LRRC74A: variants seen among roughly 807,000 people sequenced by gnomAD.
LRRC74A encodes leucine-rich repeat-containing protein 74A.
A neutral mutation model predicts 57.9 loss-of-function variants in LRRC74A; 44 were observed. That is an observed-to-expected ratio of 0.76 (90% CI 0.60 to 0.98). The LOEUF (loss-of-function observed/expected upper bound fraction) is 0.98, where lower values mean the gene tolerates loss of function less well. Ranked by LOEUF, LRRC74A falls within the 50% of genes least tolerant of loss-of-function variation. The pLI, the probability that LRRC74A is intolerant of heterozygous loss-of-function variation, is 0.00. For synonymous variants in LRRC74A, 211 were observed against 219.4 expected, an observed-to-expected ratio of 0.96 and a Z score of 0.34; for missense variants, 572 against 574.0, an observed-to-expected ratio of 1.00 and a Z score of 0.04.
At chr14:76,835,830 C>T (rs1323113918) in intron 3 of LRRC74A, among the ~76,000 whole-genome samples, 2 of 152,200 alleles carry the variant, frequency 1.3e-5, no homozygotes, top group Non-Finnish European at 2.9e-5. Context: ...TAAAGGACCT[C>T]CTTGCAAGAA....
intron 7 of LRRC74A, among the ~76,000 whole-genome samples, chr14:76,847,928 C>A (rs1897212953): frequency 6.6e-6 from 1 of 152,076 alleles, no homozygotes; most frequent in African/African-American, 2.4e-5. Flanking sequence ...AATCCCAGCA[C>A]TTTGGGAGGC....
At chr14:76,838,124 C>CA (rs888183822) in intron 5 of LRRC74A, among the ~76,000 whole-genome samples, 153 bp downstream of exon 5, 16 of 152,124 alleles carry the variant, frequency 1.1e-4, no homozygotes, top group Admixed American at 5.2e-4. Context: ...CCCTCCCAGT[C>CA]ACACTCCCCT....
chr14:76,851,865 C>T (rs1897521263), intron 7 of LRRC74A, among the ~76,000 whole-genome samples: 1 of 151,378 alleles, frequency 6.6e-6, no homozygotes, highest in African/African-American at 2.4e-5. Flanking sequence ...GCAGTTTCAC[C>T]ATGTTGGCCA....
intron 7 of LRRC74A, among the ~76,000 whole-genome samples, chr14:76,851,033 ATGTGT>A (rs1897447386): frequency 6.6e-6 from 1 of 152,172 alleles, no homozygotes. Flanking sequence ...AACAATAATA[ATGTGT>A]TTAAATAGGA....
Position 76,826,531 on chromosome 14 carries a change from CA to C in LRRC74A, c.-166del. 1 of 1,609,558 alleles carries C rather than the reference CA, an allele frequency of 6.2e-7. No individual in the cohort carries two copies. Among genetic ancestry groups the C allele is most frequent in the Non-Finnish European group, 8.5e-7 (1 of 1,178,224 alleles). On this transcript the variant is annotated 5_prime_UTR_variant, in exon 1 of 14. It removes the in-frame stop codon of an upstream open reading frame in the 5' UTR. Transcript: ENST00000689127. Reference sequence around the variant, plus strand: ...AATTCCCATCAAAGCCTACTCTTCCCAGGGCTTGCTGGGAGGGAAGGATAAC... The same window carrying C: ...AATTCCCATCAAAGCCTACTCTTCCCGGGCTTGCTGGGAGGGAAGGATAAC...
At chr14:76,866,739 C>T (rs1898831101) in intron 12 of LRRC74A, among the ~76,000 whole-genome samples, 1 of 151,846 alleles carries the variant, frequency 6.6e-6, no homozygotes, top group African/African-American at 2.4e-5. Flanking sequence ...TCACTCGCTC[C>T]ACCTGACTCT....
chr14:76,864,416 G>C (rs868330657), intron 11 of LRRC74A, among the ~76,000 whole-genome samples: 8 of 128,366 alleles, frequency 6.2e-5, no homozygotes, highest in South Asian at 3.2e-4. Context: ...AGGAAGGGGG[G>C]GGGGGGGTGG....
chr14:76,867,172 GTA>G, intron 12 of LRRC74A, among the ~76,000 whole-genome samples, 182 bp from the exon 13 acceptor site: 1 of 10,560 alleles, frequency 9.5e-5, no homozygotes, highest in Non-Finnish European at 2.4e-4. Flanking sequence ...GGGGTGTGTG[GTA>G]GTGTGTGTGG....
intron 6 of LRRC74A, 38 bp downstream of exon 6, chr14:76,844,510 T>C: frequency 3.7e-6 from 6 of 1,604,824 alleles, no homozygotes; most frequent in Non-Finnish European, 5.1e-6. Flanking sequence ...ACGTGGGCGA[T>C]GTCCCTGGGA....
intron 6 of LRRC74A, 143 bp from the exon 7 acceptor site, chr14:76,844,677 A>T (rs1310950790): frequency 1.4e-6 from 1 of 693,260 alleles, no homozygotes; most frequent in East Asian, 2.7e-5. Flanking sequence ...AGCCATCAAC[A>T]GTCCAACAAA....
At chr14:76,865,861 T>A in intron 11 of LRRC74A, 107 bp from the exon 12 acceptor site, 1 of 878,484 alleles carries the variant, frequency 1.1e-6, no homozygotes, top group East Asian at 2.7e-5. Context: ...CTTTTTAGCC[T>A]TGTTAGGCCT....
chr14:76,863,354 T>C (rs1275898861), intron 11 of LRRC74A, among the ~76,000 whole-genome samples: 1 of 152,114 alleles, frequency 6.6e-6, no homozygotes, highest in Non-Finnish European at 1.5e-5. Context: ...TTACTGTCTC[T>C]CCACGTTCTA....
chr14:76,852,382 A>G lies in LRRC74A; in HGVS notation c.694A>G (p.Thr232Ala), dbSNP rs1278712896. 19 of 1,611,836 alleles carry G rather than the reference A, an allele frequency of 1.2e-5. No homozygotes were observed. The highest frequency in any genetic ancestry group is 1.6e-5 in the Non-Finnish European group (19 of 1,178,716). Residue 232 changes from threonine (T) to alanine (A), a missense_variant, in exon 8 of 14, where the codon ACG (threonine) becomes GCG (alanine). Transcript: ENST00000689127. ...GQMLAINVGL[T>A]SLDLSWNNFH... ...TGTTTCAGCCATCAACGTGGGGCTC[A>G]CGTCACTGGATCTGAGCTGGAATAA...
At chr14:76,846,855 T>C (rs1308039465) in intron 7 of LRRC74A, among the ~76,000 whole-genome samples, 3 of 152,136 alleles carry the variant, frequency 2.0e-5, no homozygotes, top group Non-Finnish European at 2.9e-5. Flanking sequence ...AGAAGTCAGG[T>C]AGATGGTTTG....
At chr14:76,867,787 G>T (rs140411368) in intron 13 of LRRC74A, among the ~76,000 whole-genome samples, 1 of 152,132 alleles carries the variant, frequency 6.6e-6, no homozygotes, top group African/African-American at 2.4e-5. Context: ...TGTACCAGGC[G>T]CCCTTGCAGC....
At chr14:76,842,587 G>C (rs954317963) in intron 5 of LRRC74A, among the ~76,000 whole-genome samples, 2 of 152,180 alleles carry the variant, frequency 1.3e-5, no homozygotes, top group African/African-American at 4.8e-5. Flanking sequence ...TTTATGCATT[G>C]ACTAGCTTAT....
In LRRC74A at chr14:76,853,610, C is replaced by T. The variant is rs542708466; in HGVS notation, c.957+200C>T. Among the ~76,000 whole-genome samples, 362 of 152,298 alleles carry T rather than the reference C, an allele frequency of 2.4e-3. 1 individual carries two copies. The highest frequency in any genetic ancestry group is 3.8e-3 in the Admixed American group (58 of 15,302). On this transcript the variant is annotated intron_variant, in intron 9 of 13. Coordinates refer to ENST00000689127, the MANE Select transcript of LRRC74A (RefSeq NM_001385106.1). ...TCTACTATAAAGCCAGTGTCACCCT[C>T]AGTGCTCCCTGGTACACTGCAGATC...
intron 13 of LRRC74A, 120 bp from the exon 14 acceptor site, chr14:76,870,005 T>G: frequency 9.5e-7 from 1 of 1,057,688 alleles, no homozygotes; most frequent in Non-Finnish European, 1.4e-6. Flanking sequence ...GCATGACCTC[T>G]AAGGCCAGAG....
chr14:76,857,518 A>G (rs372682181), intron 10 of LRRC74A, 43 bp downstream of exon 10: 74 of 1,395,058 alleles, frequency 5.3e-5, no homozygotes, highest in Middle Eastern at 1.8e-4. Context: ...GGCACAAGCC[A>G]GTGACCCTGT....
Sources: gnomAD v4.1 joint callset for allele counts (sites outside exome capture counted in the v4.1 genomes callset) on GRCh38, gnomAD v4.1.1 for gene constraint, MANE v1.5 for transcripts, NCBI Gene and HGNC (gene_info 2026-07-23, HGNC 2026-07-21) for gene names.